The following ARID1B variants were observed in gnomAD, a reference collection of about 807,000 sequenced individuals.
ARID1B encodes AT-rich interaction domain 1B, also known as AT-rich interactive domain-containing protein 1B.
A neutral mutation model predicts 212.3 loss-of-function variants in ARID1B; 30 were observed. That is an observed-to-expected ratio of 0.14 (90% CI 0.11 to 0.19). The LOEUF (loss-of-function observed/expected upper bound fraction) is 0.19, where lower values mean the gene tolerates loss of function less well. ARID1B is among the 10% of genes least tolerant of loss of function. ARID1B has a pLI of 1.00. For missense variants in ARID1B, 2,891 were observed against 3,204.0 expected (o/e 0.90, Z 2.36); for synonymous variants, 1,402 against 1,301.7 (o/e 1.08, Z -1.66).
In ARID1B at chr6:157,208,658, A is replaced by G. The variant is rs182437712; in HGVS notation, c.*767A>G. On this transcript the variant is annotated 3_prime_UTR_variant, in exon 20 of 20. Transcript: ENST00000636930. ...TTTTTAAATATTTTTTTTACTGCCTATGGGCTGTGATGTATATAGAAGTTG... is the reference window on the plus strand; with the variant it reads ...TTTTTAAATATTTTTTTTACTGCCTGTGGGCTGTGATGTATATAGAAGTTG... 135 of 222,182 alleles carry G rather than the reference A, an allele frequency of 6.1e-4. No individual in the cohort carries two copies. Among genetic ancestry groups the G allele is most frequent in the African/African-American group, 2.4e-3 (105 of 42,862 alleles). 13.8% of individuals were successfully genotyped at this position (222,182 alleles called of 1,614,324 possible).
At chr6:156,911,183 G>A (rs555553089) in intron 3 of ARID1B, among the ~76,000 whole-genome samples, 27 of 152,264 alleles carry the variant, frequency 1.8e-4, no homozygotes, top group African/African-American at 5.8e-4. Context: ...ATGAGCAACT[G>A]TTGGCAAAGT....
At chr6:156,862,659 G>A (rs1003102558) in intron 2 of ARID1B, among the ~76,000 whole-genome samples, 5 of 152,278 alleles carry the variant, frequency 3.3e-5, no homozygotes, top group South Asian at 4.1e-4. Flanking sequence ...AAGGCAAAGC[G>A]GAGTGGTGTA....
chr6:156,877,387 TGTGCTGTA>T (rs1443944363), intron 2 of ARID1B, among the ~76,000 whole-genome samples: 1 of 152,186 alleles, frequency 6.6e-6, no homozygotes, highest in African/African-American at 2.4e-5. Flanking sequence ...CACTCTGCAC[TGTGCTGTA>T]CTGTTGCCTG....
chr6:157,088,475 A>G (rs1785088361), intron 5 of ARID1B, among the ~76,000 whole-genome samples: 1 of 152,096 alleles, frequency 6.6e-6, no homozygotes. Context: ...TTCTATTTCC[A>G]TTTCCCTCCA....
chr6:156,825,780 A>T (rs1782698512), intron 1 of ARID1B, among the ~76,000 whole-genome samples: 1 of 152,238 alleles, frequency 6.6e-6, no homozygotes, highest in African/African-American at 2.4e-5. Context: ...CAGCCTCTCC[A>T]TAGGTCCTTC....
rs185500422 is a variant in ARID1B at position 157,160,819 on chromosome 6, G to A, written c.3090-6221G>A. Among the ~76,000 whole-genome samples the A allele has an allele frequency of 1.1e-4, 16 of 152,296 alleles. No individual in the cohort carries two copies. In the East Asian group the frequency reaches 2.7e-3, roughly 26 times the overall value. On this transcript the variant is annotated intron_variant, in intron 8 of 19. Coordinates refer to ENST00000636930, the MANE Select transcript of ARID1B (RefSeq NM_001374828.1). ...TTCTCTTTTCTCTTCTCCTTACCTG[G>A]TTAATTCCAGTGGATTGATCCCTCA...
Position 156,778,926 on chromosome 6 carries a change from G to A in ARID1B, c.1246G>A (p.Gly416Arg), listed in dbSNP as rs1227799981. The A allele has an allele frequency of 5.3e-6, 7 of 1,322,230 alleles. No individual in the cohort carries two copies. The highest frequency in any genetic ancestry group is 6.2e-5 in the East Asian group (2 of 32,028). The allele number at this position is 1,322,230 out of a possible 1,614,324, so 81.9% of individuals were successfully genotyped here. A position where few individuals can be genotyped will look rare whatever the true frequency, so the allele number is the denominator to read the frequency against. ...AGGAGGAGGAGGAGCAGGAGCAGGA[G>A]GAGCAGGAGCGGGAGCTGTGGCGGC... ...GGGGGGAGAG[G>R]AGAGAVAAAA... Residue 416 changes from glycine (G) to arginine (R), a missense_variant, in exon 1 of 20, where the codon GGA (glycine) becomes AGA (arginine). Coordinates refer to ENST00000636930, the MANE Select transcript of ARID1B (RefSeq NM_001374828.1).
intron 4 of ARID1B, among the ~76,000 whole-genome samples, chr6:156,968,402 T>G (rs1794918237): frequency 6.6e-6 from 1 of 152,228 alleles, no homozygotes; most frequent in Non-Finnish European, 1.5e-5. Flanking sequence ...ATCTTTAGTC[T>G]GAAATTGACT....
chr6:156,816,984 G>A (rs1782007960), intron 1 of ARID1B, among the ~76,000 whole-genome samples: 1 of 151,768 alleles, frequency 6.6e-6, no homozygotes, highest in Non-Finnish European at 1.5e-5. Context: ...TGATACCACA[G>A]CATAATCAGA....
intron 2 of ARID1B, among the ~76,000 whole-genome samples, chr6:156,836,449 A>T (rs961179008): frequency 2.0e-5 from 3 of 151,968 alleles, no homozygotes; most frequent in African/African-American, 7.3e-5. Flanking sequence ...TGAATCAGAA[A>T]CTCACCACTG....
chr6:157,144,359 C>A (rs1255421558), intron 7 of ARID1B, among the ~76,000 whole-genome samples: 1 of 152,180 alleles, frequency 6.6e-6, no homozygotes, highest in Non-Finnish European at 1.5e-5. Context: ...TCATTTCCTT[C>A]TAAAGCAAAG....
intron 11 of ARID1B, among the ~76,000 whole-genome samples, chr6:157,177,731 A>C (rs1792199345): frequency 6.6e-6 from 1 of 152,206 alleles, no homozygotes; most frequent in Non-Finnish European, 1.5e-5. Flanking sequence ...TCTTGCTGTA[A>C]TTTTACAGCA....
intron 4 of ARID1B, among the ~76,000 whole-genome samples, chr6:156,970,131 A>G (rs573058071): frequency 6.6e-6 from 1 of 152,042 alleles, no homozygotes; most frequent in African/African-American, 2.4e-5. Flanking sequence ...CCAGGCTGGA[A>G]GTGCAATGGC....
intron 2 of ARID1B, among the ~76,000 whole-genome samples, chr6:156,857,859 T>C (rs1382025515): frequency 6.6e-6 from 1 of 152,228 alleles, no homozygotes; most frequent in East Asian, 1.9e-4. Context: ...GCTCCTAGGC[T>C]GCAAACCTGT....
intron 3 of ARID1B, among the ~76,000 whole-genome samples, chr6:156,904,344 C>T (rs1473138086): frequency 1.3e-5 from 2 of 152,192 alleles, no homozygotes; most frequent in Non-Finnish European, 2.9e-5. Context: ...TTTATAGCTT[C>T]ATTACATTTT....
At chr6:157,083,536 CCT>C (rs1245620132) in intron 4 of ARID1B, among the ~76,000 whole-genome samples, 2 of 152,180 alleles carry the variant, frequency 1.3e-5, no homozygotes, top group Non-Finnish European at 2.9e-5. Context: ...TCTTCTTCCT[CCT>C]CTCTCATCTT....
chr6:156,973,274 CT>C (rs1476944300), intron 4 of ARID1B, among the ~76,000 whole-genome samples: 1 of 151,494 alleles, frequency 6.6e-6, no homozygotes. Flanking sequence ...ATTATAGAAC[CT>C]TTTTTTTTAT....
chr6:156,972,914 TAAA>T (rs1029001906), intron 4 of ARID1B, among the ~76,000 whole-genome samples: 3 of 152,242 alleles, frequency 2.0e-5, no homozygotes, highest in Non-Finnish European at 4.4e-5. Context: ...GAAATAAAGT[TAAA>T]AAGTCATTTC....
At chr6:157,157,456 G>C (rs1319301148) in intron 8 of ARID1B, among the ~76,000 whole-genome samples, 1 of 152,228 alleles carries the variant, frequency 6.6e-6, no homozygotes, top group Non-Finnish European at 1.5e-5. Context: ...GTGTCAGGCT[G>C]ATGACCAGCA....
Sources: allele counts gnomAD v4.1 joint callset (sites outside exome capture counted in the v4.1 genomes callset), GRCh38; gene constraint gnomAD v4.1.1; transcripts MANE v1.5; gene names NCBI Gene and HGNC (gene_info 2026-07-23, HGNC 2026-07-21).